The following CRBN variants were observed in gnomAD, a reference collection of about 807,000 sequenced individuals.
CRBN encodes protein cereblon.
In CRBN, 53 loss-of-function variants were observed where a neutral mutation model predicts 62.2. The ratio of observed to expected loss-of-function variants is 0.85; its 90% CI spans 0.68 to 1.07. The LOEUF (loss-of-function observed/expected upper bound fraction) is 1.07, where lower values mean the gene tolerates loss of function less well. Ranked by LOEUF, CRBN falls within the 50% of genes least tolerant of loss-of-function variation. The pLI is 0.00. For synonymous variants in CRBN, 208 were observed against 176.1 expected (o/e 1.18, Z -1.43); for missense variants, 616 against 531.1 (o/e 1.16, Z -1.57).
intron 10 of CRBN, among the ~76,000 whole-genome samples, chr3:3,151,959 C>T (rs1183387043): frequency 6.6e-6 from 1 of 152,146 alleles, no homozygotes; most frequent in African/African-American, 2.4e-5. Context: ...TAAAGTTCTA[C>T]TGGGTCATAA....
At position 3,165,423 on chromosome 3, in the gene CRBN, T is replaced by C. The variant is rs77112657; in HGVS notation, c.687+2211A>G. On this transcript the variant is annotated intron_variant, in intron 5 of 10. Transcript: ENST00000231948. ...GAGTCAATCTGTGGGGCAAACTTCG[T>C]TGCTGTCTTAAGAAATTGCTGTAGT... 9.2e-4 allele frequency among the ~76,000 whole-genome samples: 140 copies of C among 152,286 alleles called. 5 individuals are homozygous for C. The East Asian group carries it at 0.024, about 26-fold the overall frequency.
At chr3:3,172,983 A>C (rs1707683014) in intron 3 of CRBN, 58 bp from the exon 4 acceptor site, 1 of 1,284,648 alleles carries the variant, frequency 7.8e-7, no homozygotes, top group African/African-American at 1.5e-5. Context: ...AAATATATGC[A>C]AAGTAGGCAA....
intron 1 of CRBN, among the ~76,000 whole-genome samples, chr3:3,178,141 C>T (rs1356260292): frequency 6.6e-6 from 1 of 152,162 alleles, no homozygotes; most frequent in East Asian, 1.9e-4. Flanking sequence ...CTCTTCTATT[C>T]ACCATTCTCC....
intron 5 of CRBN, among the ~76,000 whole-genome samples, chr3:3,162,938 C>A (rs913870595): frequency 6.6e-6 from 1 of 152,184 alleles, no homozygotes; most frequent in African/African-American, 2.4e-5. Context: ...CATAATCCAG[C>A]CCTCATGGTA....
intron 7 of CRBN, chr3:3,154,472 G>T: frequency 4.0e-6 from 2 of 499,612 alleles, no homozygotes; most frequent in Non-Finnish European, 7.1e-6. Context: ...CCTTACACAG[G>T]AAGTGTTTTT....
intron 8 of CRBN, 173 bp downstream of exon 8, chr3:3,153,787 T>C (rs1234783260): frequency 3.1e-6 from 2 of 645,710 alleles, no homozygotes; most frequent in Non-Finnish European, 5.6e-6. Flanking sequence ...GATAAATGTA[T>C]TCATATTTGA....
intron 5 of CRBN, among the ~76,000 whole-genome samples, chr3:3,157,414 G>C (rs145349629): frequency 0.011 from 1,667 of 152,264 alleles, 30 homozygotes; most frequent in Middle Eastern, 0.027. Flanking sequence ...ACATGAAAGT[G>C]AGAGAGAAAA....
At chr3:3,168,161 A>G (rs1047852728) in intron 4 of CRBN, among the ~76,000 whole-genome samples, 6 of 151,592 alleles carry the variant, frequency 4.0e-5, no homozygotes, top group African/African-American at 7.3e-5. Flanking sequence ...TAAGACACCC[A>G]AATTCTTCTA....
intron 5 of CRBN, among the ~76,000 whole-genome samples, chr3:3,167,108 T>A (rs1292015030): frequency 6.6e-6 from 1 of 152,072 alleles, no homozygotes; most frequent in African/African-American, 2.4e-5. Context: ...AGTCAAAGGA[T>A]ATAACATAGG....
intron 5 of CRBN, among the ~76,000 whole-genome samples, chr3:3,164,547 A>G (rs1707253706): frequency 6.6e-6 from 1 of 152,214 alleles, no homozygotes; most frequent in African/African-American, 2.4e-5. Context: ...GGGCCCTTTA[A>G]GAATGCTAAA....
At chr3:3,163,830 A>AC (rs1707228922) in intron 5 of CRBN, among the ~76,000 whole-genome samples, 1 of 152,170 alleles carries the variant, frequency 6.6e-6, no homozygotes, top group South Asian at 2.1e-4. Flanking sequence ...AAACAAACAA[A>AC]AAAAAAATTA....
intron 5 of CRBN, among the ~76,000 whole-genome samples, chr3:3,166,287 G>A (rs1212737351): frequency 1.3e-5 from 2 of 152,118 alleles, no homozygotes; most frequent in Non-Finnish European, 2.9e-5. Context: ...GAGTTTTCCT[G>A]TACAAGTTCT....
At chr3:3,154,918 G>T in intron 6 of CRBN, 87 bp from the exon 7 acceptor site, 1 of 790,720 alleles carries the variant, frequency 1.3e-6, no homozygotes, top group Non-Finnish European at 2.3e-6. Flanking sequence ...AACTAACACT[G>T]GTAGCAATTT....
At chr3:3,178,696 C>T (rs1707932592) in intron 1 of CRBN, among the ~76,000 whole-genome samples, 1 of 152,188 alleles carries the variant, frequency 6.6e-6, no homozygotes. Context: ...GTTATATTCT[C>T]AGCAGCCCCG....
In CRBN at chr3:3,172,811, C is replaced by G; in HGVS notation, c.492G>C (p.Arg164Ser). Reference protein sequence around the residue: ...IVKVKAIGRQRFKVLELRTQS... With the variant: ...IVKVKAIGRQSFKVLELRTQS... ...GTGTTCTTAGCTCAAGGACTTTGAA[C>G]CTTTGTCTTCCAATTGCTTTCACTT... The change falls in exon 4 of 11, where the codon AGG becomes AGC. Residue 164 changes from arginine (R) to serine (S), a missense_variant. Physicochemically the swap from Arg to Ser is moderately radical, Grantham distance 110. Transcript: ENST00000231948. 1.2e-6 allele frequency: 2 copies of G among 1,613,988 alleles called. No individual in the cohort carries two copies. The highest frequency in any genetic ancestry group is 1.7e-6 in the Non-Finnish European group (2 of 1,179,882).
Position 3,167,411 on chromosome 3 carries a change from A to G in CRBN, c.687+223T>C, listed in dbSNP as rs1473743940. On this transcript the variant is annotated intron_variant, in intron 5 of 10. Transcript: ENST00000231948. ...GCGATTAATATAGCTGATAAGCATA[A>G]TAACAAGGATACCTTACAGCTGTGT... The G allele has an allele frequency of 1.6e-5, 8 of 488,924 alleles. No homozygotes were observed. The Admixed American group carries it at 1.8e-4, about 11-fold the overall frequency. 30.3% of individuals were successfully genotyped at this position (488,924 alleles called of 1,614,324 possible). A position where few individuals can be genotyped will look rare whatever the true frequency, so the allele number is the denominator to read the frequency against.
At chr3:3,176,867 G>A (rs1707841776) in intron 1 of CRBN, among the ~76,000 whole-genome samples, 1 of 152,202 alleles carries the variant, frequency 6.6e-6, no homozygotes, top group Non-Finnish European at 1.5e-5. Flanking sequence ...TGTTACCAAT[G>A]ACAGCAAAGA....
At chr3:3,162,544 C>T (rs969913594) in intron 5 of CRBN, among the ~76,000 whole-genome samples, 7 of 152,146 alleles carry the variant, frequency 4.6e-5, no homozygotes, top group African/African-American at 1.7e-4. Context: ...TCTAATGCTT[C>T]CTTGTCAGAA....
chr3:3,178,101 G>A (rs190418912), intron 1 of CRBN, among the ~76,000 whole-genome samples: 19 of 152,056 alleles, frequency 1.2e-4, no homozygotes, highest in African/African-American at 4.6e-4. Context: ...GAGGCACGAT[G>A]TGAATGTCGA....
Sources: allele counts gnomAD v4.1 joint callset (sites outside exome capture counted in the v4.1 genomes callset), GRCh38; gene constraint gnomAD v4.1.1; transcripts MANE v1.5; gene names NCBI Gene and HGNC (gene_info 2026-07-23, HGNC 2026-07-21).